The following NPAS3 variants were observed in gnomAD, a reference collection of about 807,000 sequenced individuals.
NPAS3 encodes the protein neuronal PAS domain protein 3.
NPAS3 carries 14 observed loss-of-function variants against 73.1 expected under a neutral mutation model. The observed-to-expected ratio is 0.19, with a 90% CI of 0.13 to 0.30. The LOEUF (loss-of-function observed/expected upper bound fraction) is 0.30. Among genes scored for constraint, NPAS3 ranks in the 10% least tolerant of loss-of-function variants. The pLI, the probability that NPAS3 is intolerant of heterozygous loss-of-function variation, is 1.00. For synonymous variants in NPAS3, 620 were observed against 541.5 expected, an observed-to-expected ratio of 1.14 and a Z score of -2.01; for missense variants, 1,096 against 1,250.0, an observed-to-expected ratio of 0.88 and a Z score of 1.86.
chr14:33,711,295 CCTTCGTAA>C (rs2060811277), intron 6 of NPAS3, among the ~76,000 whole-genome samples: 1 of 152,102 alleles, frequency 6.6e-6, no homozygotes. Context: ...TCTTTCAGCA[CCTTCGTAA>C]CAATAACTGA....
At chr14:33,563,342 C>A (rs535938229) in intron 5 of NPAS3, among the ~76,000 whole-genome samples, 1 of 141,786 alleles carries the variant, frequency 7.1e-6, no homozygotes, top group African/African-American at 2.7e-5. Context: ...ACAGCCAGAG[C>A]GGATTTTCTC....
Position 33,800,381 on chromosome 14 carries a change from C to G in NPAS3, c.2074C>G (p.Pro692Ala). ...CAAGCCCCCCAGCTCTGAGCACTTC[C>G]CGTCCCCGCAGGGCGGCGGCGGTGG... Residue 692 changes from proline (P) to alanine (A), a missense_variant, in exon 12 of 12, where the codon CCG becomes GCG. This residue lies in a region of NPAS3 where 698 missense variants were observed against 676.7 expected (regional missense o/e 1.03). Transcript: ENST00000356141. The surrounding 1 kb of genome is among the most constrained non-coding windows in gnomAD (Gnocchi z 6.5). The G allele has an allele frequency of 6.2e-7, 1 of 1,607,908 alleles. No individual in the cohort carries two copies. Among genetic ancestry groups the G allele is most frequent in the Non-Finnish European group, 8.5e-7 (1 of 1,178,184 alleles).
intron 5 of NPAS3, among the ~76,000 whole-genome samples, chr14:33,623,746 T>G (rs371660605): frequency 8.5e-5 from 13 of 152,326 alleles, no homozygotes; most frequent in African/African-American, 3.1e-4. Context: ...TCCTATTATT[T>G]CGTTGTCTTT....
chr14:32,962,292 A>G (rs1381932227), intron 1 of NPAS3, among the ~76,000 whole-genome samples: 2 of 152,218 alleles, frequency 1.3e-5, no homozygotes, highest in East Asian at 3.8e-4. Context: ...TATTAAAACG[A>G]ATTTTGAAAC....
At position 33,316,719 on chromosome 14, in the gene NPAS3, T is replaced by C. The variant is rs142900309; in HGVS notation, c.386-50467T>C. Among the ~76,000 whole-genome samples, 398 of 152,216 alleles carry C rather than the reference T, an allele frequency of 2.6e-3. 2 individuals are homozygous for C. Among genetic ancestry groups the C allele is most frequent in the African/African-American group, 9.1e-3 (379 of 41,560 alleles). ...GTTGCAGGCCCTCTTGTGCATGTGT[T>C]AGCATAAAGAAAGCATGTCATGTAC... On this transcript the variant is annotated intron_variant, in intron 3 of 11. Coordinates refer to ENST00000356141, the Ensembl canonical transcript of NPAS3.
chr14:33,391,263 G>A (rs539409610), intron 4 of NPAS3, among the ~76,000 whole-genome samples: 9 of 141,116 alleles, frequency 6.4e-5, no homozygotes, highest in Admixed American at 2.3e-4. Context: ...GCGCGATCTC[G>A]GCTTACCACA....
chr14:33,170,992 T>A (rs2045368048), intron 2 of NPAS3, among the ~76,000 whole-genome samples: 1 of 152,202 alleles, frequency 6.6e-6, no homozygotes, highest in Non-Finnish European at 1.5e-5. Flanking sequence ...TTTGCCCAGA[T>A]CCATTAGAGG....
At chr14:33,126,732 C>T (rs2043441367) in intron 2 of NPAS3, among the ~76,000 whole-genome samples, 1 of 152,016 alleles carries the variant, frequency 6.6e-6, no homozygotes, top group African/African-American at 2.4e-5. Flanking sequence ...TTGGTAGGTT[C>T]CTCTGTCACT....
chr14:33,142,244 AT>A (rs201517320), intron 2 of NPAS3, among the ~76,000 whole-genome samples: 1 of 26,778 alleles, frequency 3.7e-5, no homozygotes, highest in Admixed American at 4.9e-4. Flanking sequence ...TCCTTCTGGG[AT>A]TTTTTTTCAG....
At chr14:33,052,403 G>A (rs1338755963) in intron 1 of NPAS3, among the ~76,000 whole-genome samples, 2 of 151,998 alleles carry the variant, frequency 1.3e-5, no homozygotes, top group Non-Finnish European at 2.9e-5. Context: ...ATTATAATGG[G>A]GTTGCTGGGG....
chr14:33,322,819 G>A (rs1360002200), intron 3 of NPAS3, among the ~76,000 whole-genome samples: 2 of 152,084 alleles, frequency 1.3e-5, no homozygotes, highest in Non-Finnish European at 2.9e-5. Flanking sequence ...TTTTGGTGTA[G>A]GACATCCTTC....
intron 2 of NPAS3, among the ~76,000 whole-genome samples, chr14:33,058,650 C>A (rs1273818604): frequency 6.6e-6 from 1 of 152,118 alleles, no homozygotes; most frequent in African/African-American, 2.4e-5. Flanking sequence ...TGGAAGAGAA[C>A]AGAAAATTTT....
intron 1 of NPAS3, among the ~76,000 whole-genome samples, chr14:33,014,425 G>A (rs1050318201): frequency 6.6e-6 from 1 of 152,032 alleles, no homozygotes; most frequent in African/African-American, 2.4e-5. Flanking sequence ...TATAAAATAA[G>A]CTACTCAAAT....
In NPAS3 at chr14:33,800,604, G is replaced by A; in HGVS notation, c.2297G>A (p.Gly766Asp). ...AAGCACCCCGGGAACGGCGGCGGGG[G>A]CGGGGGCGGGGGCGGCGGCGCGGGG... is the stretch of plus-strand genomic sequence containing the variant. The change falls in exon 12 of 12, where the codon GGC becomes GAC. Residue 766 changes from glycine to aspartate, a missense_variant. Transcript: ENST00000356141. The surrounding 1 kb of genome is among the most constrained non-coding windows in gnomAD (Gnocchi z 6.5). 1.5e-6 allele frequency: 2 copies of A among 1,312,294 alleles called. No individual in the cohort carries two copies. The highest frequency in any genetic ancestry group is 1.9e-6 in the Non-Finnish European group (2 of 1,038,922). The allele number at this position is 1,312,294 out of a possible 1,614,324, so 81.3% of individuals were successfully genotyped here.
chr14:33,601,024 C>T (rs536289916), intron 5 of NPAS3, among the ~76,000 whole-genome samples: 25 of 152,170 alleles, frequency 1.6e-4, no homozygotes, highest in African/African-American at 5.8e-4. Flanking sequence ...CAGAAACATA[C>T]GTGCTTCTGC....
intron 1 of NPAS3, among the ~76,000 whole-genome samples, chr14:33,051,544 T>C (rs1335199921): frequency 6.6e-6 from 1 of 152,138 alleles, no homozygotes; most frequent in Admixed American, 6.5e-5. Context: ...AAATTTTGTT[T>C]TGTGTGATTG....
At chr14:33,758,965 C>T (rs1423436627) in intron 7 of NPAS3, among the ~76,000 whole-genome samples, 1 of 152,184 alleles carries the variant, frequency 6.6e-6, no homozygotes, top group Non-Finnish European at 1.5e-5. Context: ...ATGAGCATAA[C>T]AATCAATTAA....
intron 3 of NPAS3, among the ~76,000 whole-genome samples, chr14:33,348,108 C>G (rs888355774): frequency 6.6e-6 from 1 of 152,092 alleles, no homozygotes; most frequent in Admixed American, 6.5e-5. Context: ...CTTGAATTCA[C>G]CTAACAACCC....
intron 4 of NPAS3, among the ~76,000 whole-genome samples, chr14:33,419,983 CTT>C (rs1207615663): frequency 6.6e-6 from 1 of 151,910 alleles, no homozygotes; most frequent in East Asian, 1.9e-4. Context: ...GAAAGCTTAA[CTT>C]TAAAATGCAA....
Sources: allele counts gnomAD v4.1 joint callset (sites outside exome capture counted in the v4.1 genomes callset), GRCh38; gene constraint gnomAD v4.1.1; regional missense constraint gnomAD v4.1.1; non-coding constraint Gnocchi (gnomAD v3.1); transcripts MANE v1.5; gene names NCBI Gene and HGNC (gene_info 2026-07-23, HGNC 2026-07-21).